The following CMC1 variants were observed in gnomAD, a reference collection of about 807,000 sequenced individuals.
The protein encoded by CMC1 is C-X9-C motif containing 1.
Under a neutral mutation model 14.1 loss-of-function variants are expected in CMC1, and 14 were observed. The ratio of observed to expected loss-of-function variants is 0.99; its 90% CI spans 0.66 to 1.55. The LOEUF is 1.55. Among genes scored for constraint, CMC1 ranks in the 40% most tolerant of loss-of-function variants. The probability of loss-of-function intolerance (pLI) is 0.00; values close to 1 mark genes in which losing one functional copy is unlikely to be tolerated. For synonymous variants in CMC1, 50 were observed against 38.4 expected (o/e 1.30, Z -1.12); for missense variants, 127 against 123.8 (o/e 1.03, Z -0.12).
chr3:28,275,086 C>T (rs2125499430), intron 2 of CMC1, among the ~76,000 whole-genome samples: 1 of 152,282 alleles, frequency 6.6e-6, no homozygotes, highest in East Asian at 1.9e-4. Flanking sequence ...CTGAAGCCTA[C>T]TTCTGTCAGT....
intron 2 of CMC1, among the ~76,000 whole-genome samples, chr3:28,280,046 G>T (rs1700800962): frequency 6.6e-6 from 1 of 152,172 alleles, no homozygotes; most frequent in Admixed American, 6.5e-5. Flanking sequence ...ACTAATTGTG[G>T]TGTACTTGTA....
rs538439544 is a variant in CMC1 at position 28,303,851 on chromosome 3, T to G, written c.110-12482T>G. Among the ~76,000 whole-genome samples, 5 of 152,284 alleles carry G rather than the reference T, an allele frequency of 3.3e-5. No individual in the cohort carries two copies. In the South Asian group the frequency reaches 1.0e-3, roughly 32 times the overall value. ...GCAAGTAAGCTTTGCTGAATGATTA[T>G]TTTTTACCTTAGTCTTTATTTTCTT... On this transcript the variant is annotated intron_variant, in intron 2 of 3. Coordinates refer to ENST00000466830, the MANE Select transcript of CMC1 (RefSeq NM_182523.2).
intron 1 of CMC1, among the ~76,000 whole-genome samples, chr3:28,246,624 A>T (rs1194626157): frequency 6.6e-6 from 1 of 152,096 alleles, no homozygotes; most frequent in Non-Finnish European, 1.5e-5. Flanking sequence ...CTGGAGGTAC[A>T]TGGGTATCTG....
At chr3:28,253,385 T>C (rs1699231800) in intron 1 of CMC1, among the ~76,000 whole-genome samples, 1 of 152,078 alleles carries the variant, frequency 6.6e-6, no homozygotes, top group Non-Finnish European at 1.5e-5. Context: ...GAGACCAGCC[T>C]GGGAAACATA....
chr3:28,268,029 T>A (rs1700094359), intron 2 of CMC1, among the ~76,000 whole-genome samples: 1 of 152,234 alleles, frequency 6.6e-6, no homozygotes, highest in South Asian at 2.1e-4. Flanking sequence ...ATCTTGAGAC[T>A]GGTTTTGATA....
chr3:28,277,837 G>A (rs193097961), intron 2 of CMC1, among the ~76,000 whole-genome samples: 25 of 152,302 alleles, frequency 1.6e-4, no homozygotes, highest in African/African-American at 5.8e-4. Flanking sequence ...GAGTGAATAG[G>A]GAGGAGTTCA....
chr3:28,272,256 G>A (rs1444054695), intron 2 of CMC1, among the ~76,000 whole-genome samples: 2 of 152,104 alleles, frequency 1.3e-5, no homozygotes, highest in Non-Finnish European at 2.9e-5. Flanking sequence ...CCAATACTGT[G>A]TTGAAAAGAA....
chr3:28,267,623 AT>A (rs1700073187), intron 2 of CMC1, among the ~76,000 whole-genome samples: 1 of 152,194 alleles, frequency 6.6e-6, no homozygotes, highest in Non-Finnish European at 1.5e-5. Context: ...AGCATGGGTT[AT>A]TTGTTTGTTT....
At chr3:28,277,166 A>G (rs748908422) in intron 2 of CMC1, among the ~76,000 whole-genome samples, 22 of 152,320 alleles carry the variant, frequency 1.4e-4, no homozygotes, top group Admixed American at 2.6e-4. Flanking sequence ...GATTTATTCA[A>G]ATTTTCAGAA....
intron 2 of CMC1, chr3:28,297,226 T>C (rs1424862347): frequency 2.0e-5 from 3 of 152,088 alleles, no homozygotes; most frequent in Non-Finnish European, 2.9e-5. Context: ...TGAAACATTC[T>C]TACCTAAAGT....
chr3:28,283,551 C>CAAAAAAAAAAAAA (rs5847510), intron 2 of CMC1, among the ~76,000 whole-genome samples: 7 of 118,212 alleles, frequency 5.9e-5, no homozygotes, highest in Non-Finnish European at 7.1e-5. Context: ...ACAACAAAAA[C>CAAAAAAAAAAAAA]AAAAAAAAAA....
At chr3:28,316,478 T>G in intron 3 of CMC1, 55 bp downstream of exon 3, 1 of 955,294 alleles carries the variant, frequency 1.0e-6, no homozygotes, top group Non-Finnish European at 1.6e-6. Context: ...TAGATAAGAG[T>G]ATGTTACTTA....
intron 2 of CMC1, among the ~76,000 whole-genome samples, chr3:28,276,178 T>G (rs1250639646): frequency 6.6e-6 from 1 of 152,040 alleles, no homozygotes; most frequent in Non-Finnish European, 1.5e-5. Flanking sequence ...TCACTTGCCC[T>G]TTTCATTCTT....
chr3:28,271,610 C>G lies in CMC1; in HGVS notation c.109+8230C>G, dbSNP rs182736341. Among the ~76,000 whole-genome samples the G allele has an allele frequency of 1.5e-3, 221 of 151,988 alleles. 1 individual carries two copies. Among genetic ancestry groups the G allele is most frequent in the African/African-American group, 5.2e-3 (214 of 41,490 alleles). On this transcript the variant is annotated intron_variant, in intron 2 of 3. Coordinates refer to ENST00000466830, the MANE Select transcript of CMC1 (RefSeq NM_182523.2). ...TGCTGTTTTGGTTACTGTAGCCTTA[C>G]AGTTTGAAGTCAGGTAGCATGATGC...
Position 28,324,487 on chromosome 3 carries a change from T to C in CMC1, c.*4858T>C. 7.0e-7 allele frequency: 1 copy of C among 1,425,828 alleles called. No homozygotes were observed. Among genetic ancestry groups the C allele is most frequent in the Non-Finnish European group, 9.3e-7 (1 of 1,080,150 alleles). The allele number at this position is 1,425,828 out of a possible 1,614,324, so 88.3% of individuals were successfully genotyped here. A position where few individuals can be genotyped will look rare whatever the true frequency, so the allele number is the denominator to read the frequency against. ...GAAAACACAGACTAAATGTCAGTTT[T>C]CATTACATTTGTGATCATAAAATTC... On this transcript the variant is annotated 3_prime_UTR_variant, in exon 4 of 4. Coordinates refer to ENST00000466830, the MANE Select transcript of CMC1 (RefSeq NM_182523.2).
intron 1 of CMC1, among the ~76,000 whole-genome samples, chr3:28,259,117 T>G (rs1699591289): frequency 6.6e-6 from 1 of 151,616 alleles, no homozygotes; most frequent in African/African-American, 2.4e-5. Context: ...CCTTGTATGT[T>G]TTTTCACTTT....
chr3:28,317,514 A>G (rs965498386), intron 3 of CMC1: 10 of 152,092 alleles, frequency 6.6e-5, no homozygotes, highest in African/African-American at 2.4e-4. Flanking sequence ...AAACTTTTGT[A>G]TGACTGAATT....
chr3:28,291,839 G>T (rs556458202), intron 2 of CMC1: 1 of 152,242 alleles, frequency 6.6e-6, no homozygotes, highest in East Asian at 1.9e-4. Context: ...TAGCCTTCAG[G>T]AATGTTTCCT....
chr3:28,252,208 G>T (rs1170576897), intron 1 of CMC1, among the ~76,000 whole-genome samples: 1 of 152,204 alleles, frequency 6.6e-6, no homozygotes, highest in Non-Finnish European at 1.5e-5. Context: ...TGAGGTCCAA[G>T]AAATAGGTGC....
Sources: gnomAD v4.1 joint callset for allele counts (sites outside exome capture counted in the v4.1 genomes callset) on GRCh38, gnomAD v4.1.1 for gene constraint, MANE v1.5 for transcripts, NCBI Gene and HGNC (gene_info 2026-07-23, HGNC 2026-07-21) for gene names.